Variants in TBCA observed in about 807,000 individuals in gnomAD.
The protein encoded by TBCA is tubulin folding cofactor A.
A neutral mutation model predicts 15.8 loss-of-function variants in TBCA; 6 were observed. The ratio of observed to expected loss-of-function variants is 0.38; its 90% CI spans 0.21 to 0.75. The LOEUF is 0.75. Ranked by LOEUF, TBCA falls within the 30% of genes least tolerant of loss-of-function variation. The pLI is 0.46. For missense variants in TBCA, 90 were observed against 131.2 expected (o/e 0.69, Z 1.53); for synonymous variants, 32 against 42.3 (o/e 0.76, Z 0.94).
intron 1 of TBCA, among the ~76,000 whole-genome samples, chr5:77,755,933 G>GGCGGAGGCTGTGATGAGCTGAGATT (rs1402914236): frequency 6.6e-6 from 1 of 152,198 alleles, no homozygotes; most frequent in Non-Finnish European, 1.5e-5. Flanking sequence ...GAACCCGGGA[G>GGCGGAGGCTGTGATGAGCTGAGATT]GCGGAGGTTG....
chr5:77,772,904 T>C (rs985419523), intron 1 of TBCA, among the ~76,000 whole-genome samples: 1 of 152,218 alleles, frequency 6.6e-6, no homozygotes, highest in African/African-American at 2.4e-5. Flanking sequence ...CTCTAGAATA[T>C]GTATTGTCAG....
chr5:77,715,348 C>T (rs746315062), intron 1 of TBCA: 1 of 698,974 alleles, frequency 1.4e-6, no homozygotes, highest in South Asian at 1.5e-5. Flanking sequence ...AAGGTTAACA[C>T]TGTGCTATAG....
At chr5:77,703,373 C>CA (rs1746069170) in intron 2 of TBCA, among the ~76,000 whole-genome samples, 1 of 152,086 alleles carries the variant, frequency 6.6e-6, no homozygotes, top group Non-Finnish European at 1.5e-5. Context: ...CAAGTGAGGG[C>CA]AAAACCCTCT....
intron 1 of TBCA, among the ~76,000 whole-genome samples, chr5:77,751,631 T>C (rs1321119326): frequency 6.6e-6 from 1 of 152,102 alleles, no homozygotes; most frequent in Non-Finnish European, 1.5e-5. Flanking sequence ...GGCCACCAAA[T>C]CTTAATTTTG....
At chr5:77,770,648 C>T (rs1580141811) in intron 1 of TBCA, among the ~76,000 whole-genome samples, 2 of 151,768 alleles carry the variant, frequency 1.3e-5, no homozygotes, top group Non-Finnish European at 2.9e-5. Context: ...GGTAACTCTG[C>T]TAGAGCTGCC....
At chr5:77,762,844 C>T (rs888272846) in intron 1 of TBCA, among the ~76,000 whole-genome samples, 1 of 152,216 alleles carries the variant, frequency 6.6e-6, no homozygotes, top group African/African-American at 2.4e-5. Context: ...TATATATGTA[C>T]ATCATTCTAT....
At chr5:77,774,821 T>G (rs1747983812) in intron 1 of TBCA, among the ~76,000 whole-genome samples, 1 of 152,072 alleles carries the variant, frequency 6.6e-6, no homozygotes, top group Non-Finnish European at 1.5e-5. Flanking sequence ...TTTACAGGAA[T>G]TTAAGCAAAT....
At chr5:77,731,233 A>G (rs1192469902) in intron 1 of TBCA, among the ~76,000 whole-genome samples, 1 of 152,172 alleles carries the variant, frequency 6.6e-6, no homozygotes, top group Non-Finnish European at 1.5e-5. Context: ...TGTATAGGTG[A>G]CTAATAATAT....
intron 2 of TBCA, among the ~76,000 whole-genome samples, chr5:77,695,520 C>G (rs539586618): frequency 2.6e-4 from 39 of 152,186 alleles, no homozygotes; most frequent in Admixed American, 2.4e-3. Flanking sequence ...TTGGAATCCA[C>G]AAACCACATC....
chr5:77,720,769 G>T (rs2455242), intron 1 of TBCA, among the ~76,000 whole-genome samples: 34,486 of 152,034 alleles, frequency 0.23, 4,656 homozygotes, highest in Non-Finnish European at 0.31. Flanking sequence ...AAAAGAAGTG[G>T]AGAACCTAAA....
At chr5:77,691,974 A>T in intron 3 of TBCA, 4 of 986,318 alleles carry the variant, frequency 4.1e-6, no homozygotes, top group Non-Finnish European at 4.8e-6. Flanking sequence ...TAAACAAATG[A>T]ATTGCCTGCT....
chr5:77,739,220 G>A (rs374364977), intron 1 of TBCA, among the ~76,000 whole-genome samples: 8 of 152,138 alleles, frequency 5.3e-5, no homozygotes, highest in African/African-American at 1.9e-4. Context: ...CAGCACTTTG[G>A]GAGGCTGAGG....
chr5:77,758,093 G>C (rs1381405785), intron 1 of TBCA, among the ~76,000 whole-genome samples: 1 of 152,128 alleles, frequency 6.6e-6, no homozygotes, highest in Non-Finnish European at 1.5e-5. Flanking sequence ...GACCTGAGAG[G>C]GTAACCTAAA....
intron 1 of TBCA, among the ~76,000 whole-genome samples, chr5:77,727,710 A>G (rs1746662400): frequency 6.6e-6 from 1 of 152,218 alleles, no homozygotes; most frequent in African/African-American, 2.4e-5. Context: ...AATAGAGTCA[A>G]TATAGCCCAA....
At chr5:77,764,910 T>G (rs1266750908) in intron 1 of TBCA, among the ~76,000 whole-genome samples, 1 of 152,140 alleles carries the variant, frequency 6.6e-6, no homozygotes, top group Admixed American at 6.5e-5. Flanking sequence ...CCAAGGAGCT[T>G]TGTTTATGTG....
In TBCA at chr5:77,714,121, G is replaced by C. The variant is rs141923553; in HGVS notation, c.54-5774C>G. Among the ~76,000 whole-genome samples the C allele has an allele frequency of 2.2e-3, 334 of 152,050 alleles. 1 individual carries two copies. Among genetic ancestry groups the C allele is most frequent in the African/African-American group, 7.7e-3 (319 of 41,494 alleles). ...GGATCACTCGAGGTCAGGAGTTCGA[G>C]ATCAGCCTGCCCAACATGGTGAAAC... is the stretch of plus-strand genomic sequence containing the variant. On this transcript the variant is annotated intron_variant, in intron 1 of 3. Coordinates refer to ENST00000380377, the MANE Select transcript of TBCA (RefSeq NM_004607.3).
intron 2 of TBCA, among the ~76,000 whole-genome samples, chr5:77,704,627 C>G (rs1040966843): frequency 6.6e-6 from 1 of 152,010 alleles, no homozygotes; most frequent in Admixed American, 6.6e-5. Flanking sequence ...AAGTCCCAGG[C>G]AATCACAAAC....
At chr5:77,746,702 A>G (rs573097282) in intron 1 of TBCA, among the ~76,000 whole-genome samples, 1 of 152,252 alleles carries the variant, frequency 6.6e-6, no homozygotes, top group Admixed American at 6.5e-5. Context: ...CGTATCATTC[A>G]TTTCTTGTAG....
chr5:77,737,003 TCTGGAA>T (rs1746924454), intron 1 of TBCA, among the ~76,000 whole-genome samples: 1 of 152,200 alleles, frequency 6.6e-6, no homozygotes, highest in African/African-American at 2.4e-5. Flanking sequence ...ATACATTGTT[TCTGGAA>T]TCTAGAAAAG....
Sources: allele counts gnomAD v4.1 joint callset (sites outside exome capture counted in the v4.1 genomes callset), GRCh38; gene constraint gnomAD v4.1.1; transcripts MANE v1.5; gene names NCBI Gene and HGNC (gene_info 2026-07-23, HGNC 2026-07-21).